MTHFD2L: variants seen among roughly 807,000 people sequenced by gnomAD.
MTHFD2L encodes the protein bifunctional methylenetetrahydrofolate dehydrogenase/cyclohydrolase 2, mitochondrial.
Under a neutral mutation model 34.9 loss-of-function variants are expected in MTHFD2L, and 29 were observed. The ratio of observed to expected loss-of-function variants is 0.83; its 90% CI spans 0.62 to 1.13. MTHFD2L has a LOEUF of 1.13. MTHFD2L is among the 50% of genes most tolerant of loss of function. MTHFD2L has a pLI of 0.00. For synonymous variants in MTHFD2L, 167 were observed against 155.7 expected, an observed-to-expected ratio of 1.07 and a Z score of -0.54; for missense variants, 481 against 446.5, an observed-to-expected ratio of 1.08 and a Z score of -0.70.
chr4:74,163,906 T>A (rs986181454), intron 1 of MTHFD2L, among the ~76,000 whole-genome samples: 1 of 152,190 alleles, frequency 6.6e-6, no homozygotes, highest in African/African-American at 2.4e-5. Context: ...GGCAGAGTCT[T>A]GCTCTGTCAC....
At chr4:74,229,567 T>C (rs1364534747) in intron 6 of MTHFD2L, among the ~76,000 whole-genome samples, 3 of 152,106 alleles carry the variant, frequency 2.0e-5, no homozygotes, top group South Asian at 2.1e-4. Flanking sequence ...GGTAATGAAA[T>C]CTTGACACAA....
intron 7 of MTHFD2L, among the ~76,000 whole-genome samples, chr4:74,295,240 T>G (rs541811252): frequency 6.6e-6 from 1 of 152,206 alleles, no homozygotes; most frequent in South Asian, 2.1e-4. Flanking sequence ...TTGGTCATAA[T>G]GAAGTCATTT....
chr4:74,264,111 G>A (rs1745011176), intron 6 of MTHFD2L, among the ~76,000 whole-genome samples: 2 of 151,994 alleles, frequency 1.3e-5, no homozygotes, highest in South Asian at 2.1e-4. Context: ...ACTTAATGGT[G>A]AAAGAATGAA....
intron 7 of MTHFD2L, among the ~76,000 whole-genome samples, chr4:74,289,747 G>A (rs1482029232): frequency 6.6e-6 from 1 of 152,098 alleles, no homozygotes; most frequent in Non-Finnish European, 1.5e-5. Flanking sequence ...TTAAAGGAGA[G>A]TTGGAATGAT....
chr4:74,228,318 T>C (rs1305806489), intron 6 of MTHFD2L, among the ~76,000 whole-genome samples: 1 of 152,176 alleles, frequency 6.6e-6, no homozygotes, highest in Non-Finnish European at 1.5e-5. Flanking sequence ...AGACACAGAA[T>C]TTGTTGAATA....
intron 3 of MTHFD2L, chr4:74,183,208 A>G (rs1297995681): frequency 6.6e-6 from 1 of 152,206 alleles, no homozygotes; most frequent in Non-Finnish European, 1.5e-5. Context: ...CAATAGAACA[A>G]TATCTTTAAG....
rs772131101 is a variant in MTHFD2L at position 74,261,688 on chromosome 4, A to T, written c.806-19737A>T. 7.5e-4 allele frequency among the ~76,000 whole-genome samples: 114 copies of T among 152,214 alleles called. 1 individual carries two copies. The highest frequency in any genetic ancestry group is 5.9e-4 in the Non-Finnish European group (40 of 67,920). The stretch of plus-strand genomic sequence containing the variant: ...AAATAGTTCAAAATTATGCCTAGCA[A>T]CTTGTAATTATTATTAGCATCCACA... On this transcript the variant is annotated intron_variant, in intron 6 of 7. Transcript: ENST00000325278.
intron 6 of MTHFD2L, among the ~76,000 whole-genome samples, chr4:74,256,303 G>T (rs1578634661): frequency 6.6e-6 from 1 of 152,002 alleles, no homozygotes; most frequent in Non-Finnish European, 1.5e-5. Context: ...TAGAGATGGG[G>T]TTTCATCATG....
intron 3 of MTHFD2L, among the ~76,000 whole-genome samples, chr4:74,192,431 G>C (rs376478879): frequency 6.6e-6 from 1 of 152,012 alleles, no homozygotes; most frequent in African/African-American, 2.4e-5. Context: ...AGCATTTAAA[G>C]GTAAGAACAC....
chr4:74,255,971 T>C (rs936814173), intron 6 of MTHFD2L, among the ~76,000 whole-genome samples: 1 of 152,234 alleles, frequency 6.6e-6, no homozygotes, highest in African/African-American at 2.4e-5. Context: ...TGAGTATATG[T>C]CTTTTTACTA....
intron 1 of MTHFD2L, among the ~76,000 whole-genome samples, chr4:74,148,694 T>G (rs1215587647): frequency 6.8e-6 from 1 of 146,984 alleles, no homozygotes; most frequent in Non-Finnish European, 1.6e-5. Flanking sequence ...CTTTTAAAAT[T>G]GAATATGCAC....
intron 6 of MTHFD2L, among the ~76,000 whole-genome samples, chr4:74,245,632 C>T (rs1437036969): frequency 6.6e-6 from 1 of 152,092 alleles, no homozygotes; most frequent in African/African-American, 2.4e-5. Context: ...CCCTCCTCCC[C>T]CTACCCCACA....
chr4:74,214,213 A>G (rs1351591600), intron 5 of MTHFD2L, among the ~76,000 whole-genome samples: 5 of 151,932 alleles, frequency 3.3e-5, no homozygotes, highest in African/African-American at 9.7e-5. Context: ...ACTTCTGTCA[A>G]TTCATCAAAC....
intron 2 of MTHFD2L, among the ~76,000 whole-genome samples, chr4:74,118,332 TA>T (rs1478646323): frequency 6.6e-6 from 1 of 152,212 alleles, no homozygotes; most frequent in Non-Finnish European, 1.5e-5. Flanking sequence ...TGGTGCCAGA[TA>T]AAAATAAAGT....
intron 2 of MTHFD2L, among the ~76,000 whole-genome samples, chr4:74,115,845 C>T (rs1316326462): frequency 2.6e-5 from 4 of 152,146 alleles, no homozygotes; most frequent in Admixed American, 1.3e-4. Flanking sequence ...ATGAACTCAC[C>T]GTTTGTCGTG....
intron 2 of MTHFD2L, among the ~76,000 whole-genome samples, chr4:74,115,231 G>T (rs945401538): frequency 6.6e-6 from 1 of 152,142 alleles, no homozygotes; most frequent in East Asian, 1.9e-4. Context: ...GAGAGACTGC[G>T]ACAGAAATTC....
At chr4:74,211,339 T>C (rs1225336759) in intron 5 of MTHFD2L, among the ~76,000 whole-genome samples, 2 of 152,204 alleles carry the variant, frequency 1.3e-5, no homozygotes, top group African/African-American at 4.8e-5. Flanking sequence ...ATAGCTCTTA[T>C]TATTTTGAGA....
At chr4:74,225,748 A>G (rs998934848) in intron 6 of MTHFD2L, among the ~76,000 whole-genome samples, 1 of 152,136 alleles carries the variant, frequency 6.6e-6, no homozygotes, top group Non-Finnish European at 1.5e-5. Flanking sequence ...TGTATTTTCA[A>G]GTTGTATCAA....
At chr4:74,237,498 A>G (rs1741019093) in intron 6 of MTHFD2L, among the ~76,000 whole-genome samples, 1 of 152,096 alleles carries the variant, frequency 6.6e-6, no homozygotes, top group Non-Finnish European at 1.5e-5. Flanking sequence ...AAAATACAAA[A>G]ATTAGCTGGG....
Sources: gnomAD v4.1 joint callset for allele counts (sites outside exome capture counted in the v4.1 genomes callset) on GRCh38, gnomAD v4.1.1 for gene constraint, MANE v1.5 for transcripts, NCBI Gene and HGNC (gene_info 2026-07-23, HGNC 2026-07-21) for gene names.